The following SVOP variants were observed in gnomAD, a reference collection of about 807,000 sequenced individuals.
SVOP encodes the protein SV2 related protein, also known as synaptic vesicle 2-related protein.
In SVOP, 17 loss-of-function variants were observed where a neutral mutation model predicts 69.1. The observed-to-expected ratio is 0.25, with a 90% CI of 0.17 to 0.37. The LOEUF (loss-of-function observed/expected upper bound fraction) is 0.37. Ranked by LOEUF, SVOP falls within the 10% of genes least tolerant of loss-of-function variation. The pLI is 1.00. For missense variants in SVOP, 435 were observed against 597.5 expected, an observed-to-expected ratio of 0.73 and a Z score of 2.84; for synonymous variants, 238 against 238.6, an observed-to-expected ratio of 1.00 and a Z score of 0.02.
At chr12:108,940,948 T>C (rs999044829) in intron 7 of SVOP, 39 bp from the exon 8 acceptor site, 2 of 1,531,136 alleles carry the variant, frequency 1.3e-6, no homozygotes, top group Non-Finnish European at 8.8e-7. Context: ...GGGGGTAGCA[T>C]GGTCCATACA....
chr12:109,013,244 A>G (rs1435983852), intron 1 of SVOP, among the ~76,000 whole-genome samples: 1 of 152,230 alleles, frequency 6.6e-6, no homozygotes, highest in Non-Finnish European at 1.5e-5. Context: ...AACACAATAA[A>G]TAAGCAAATT....
intron 11 of SVOP, among the ~76,000 whole-genome samples, chr12:108,927,342 A>T (rs529489679): frequency 6.6e-6 from 1 of 152,306 alleles, no homozygotes; most frequent in South Asian, 2.1e-4. Context: ...TAACTGATTC[A>T]TTTATTAATT....
chr12:108,984,937 G>A (rs1323477589), intron 1 of SVOP, among the ~76,000 whole-genome samples: 11 of 152,194 alleles, frequency 7.2e-5, no homozygotes, highest in Admixed American at 5.9e-4. Flanking sequence ...TTTGAGGAAA[G>A]TTTGGGGTGC....
At chr12:108,957,430 C>T (rs1189610520) in intron 6 of SVOP, among the ~76,000 whole-genome samples, 1 of 152,182 alleles carries the variant, frequency 6.6e-6, no homozygotes, top group Admixed American at 6.5e-5. Context: ...TCCCAAAGTG[C>T]TGGGATTACA....
intron 3 of SVOP, among the ~76,000 whole-genome samples, chr12:108,978,077 G>A (rs867961745): frequency 7.2e-5 from 11 of 152,110 alleles, no homozygotes; most frequent in Non-Finnish European, 1.6e-4. Flanking sequence ...TTCCAATTAG[G>A]GGGGGAAATG....
chr12:109,009,003 C>G (rs2040325949), intron 1 of SVOP, among the ~76,000 whole-genome samples: 1 of 145,864 alleles, frequency 6.9e-6, no homozygotes, highest in Admixed American at 6.9e-5. Context: ...GCTCTGTCAC[C>G]CAGGCTGGAG....
At chr12:108,923,918 C>T (rs761970147) in intron 11 of SVOP, among the ~76,000 whole-genome samples, 3 of 152,104 alleles carry the variant, frequency 2.0e-5, no homozygotes, top group Non-Finnish European at 4.4e-5. Flanking sequence ...AACTATGGGA[C>T]TAATCTCCTA....
chr12:108,933,701 T>A (rs946662482), intron 11 of SVOP, among the ~76,000 whole-genome samples: 5 of 151,494 alleles, frequency 3.3e-5, no homozygotes, highest in African/African-American at 9.7e-5. Flanking sequence ...AAAAAAATAA[T>A]AATAATAAAT....
chr12:108,922,621 C>A, intron 12 of SVOP, 69 bp downstream of exon 12: 1 of 1,191,738 alleles, frequency 8.4e-7, no homozygotes. Context: ...GTAGACAGAG[C>A]CACCAGCTGA....
At chr12:108,939,289 C>T (rs914779724) in intron 8 of SVOP, among the ~76,000 whole-genome samples, 1 of 152,156 alleles carries the variant, frequency 6.6e-6, no homozygotes, top group African/African-American at 2.4e-5. Context: ...ATTATTGTCA[C>T]GGTTGCTATT....
At chr12:108,970,601 TA>T (rs36188289) in intron 5 of SVOP, among the ~76,000 whole-genome samples, 104,798 of 151,892 alleles carry the variant, frequency 0.69, 36,699 homozygotes, top group South Asian at 0.79. Context: ...AGGTTATTCT[TA>T]GTCTAAGCCA....
intron 2 of SVOP, among the ~76,000 whole-genome samples, chr12:108,979,380 C>A (rs968867401): frequency 6.6e-6 from 1 of 152,130 alleles, no homozygotes; most frequent in Non-Finnish European, 1.5e-5. Context: ...GCTGGGACTA[C>A]AGGCACATGT....
chr12:108,990,963 C>T (rs763961130), intron 1 of SVOP, among the ~76,000 whole-genome samples: 4 of 152,222 alleles, frequency 2.6e-5, no homozygotes, highest in Non-Finnish European at 4.4e-5. Flanking sequence ...CTGCTCTTCT[C>T]GTTCATCAGA....
chr12:108,983,485 C>T (rs1241197010), intron 2 of SVOP, 116 bp downstream of exon 2: 13 of 398,098 alleles, frequency 3.3e-5, no homozygotes, highest in Non-Finnish European at 5.7e-5. Flanking sequence ...AGCTCCACCC[C>T]TTGGCCCCCT....
At chr12:108,986,776 G>A (rs2040168065) in intron 1 of SVOP, among the ~76,000 whole-genome samples, 1 of 136,308 alleles carries the variant, frequency 7.3e-6, no homozygotes, top group African/African-American at 3.0e-5. Context: ...CTTTGATCGG[G>A]GAGGGGGGGG....
At chr12:108,977,679 A>T (rs563920422) in intron 3 of SVOP, among the ~76,000 whole-genome samples, 183 bp from the exon 4 acceptor site, 63 of 152,348 alleles carry the variant, frequency 4.1e-4, no homozygotes, top group Non-Finnish European at 5.6e-4. Flanking sequence ...TTACCATTGC[A>T]GGAATAGACA....
At chr12:109,001,350 G>A (rs2135621397) in intron 1 of SVOP, among the ~76,000 whole-genome samples, 1 of 150,248 alleles carries the variant, frequency 6.7e-6, no homozygotes, top group Middle Eastern at 3.5e-3. Context: ...TCATGGGTAG[G>A]AAGAATCAAT....
Position 108,934,649 on chromosome 12 carries a change from C to T in SVOP, c.972-378G>A, listed in dbSNP as rs138719384. On this transcript the variant is annotated intron_variant, in intron 10 of 15. Coordinates refer to ENST00000610966, the MANE Select transcript of SVOP (RefSeq NM_018711.5). ...CGGCCAAGATACAGATCATAAAGAC[C>T]TTGCTGATAAAGCAGGTTGCAGTAA... Among the ~76,000 whole-genome samples, 204 of 152,274 alleles carry T rather than the reference C, an allele frequency of 1.3e-3. 5 individuals carry two copies. The highest frequency in any genetic ancestry group is 4.7e-3 in the African/African-American group (195 of 41,572).
At chr12:109,013,173 C>G (rs555254711) in intron 1 of SVOP, among the ~76,000 whole-genome samples, 10 of 152,298 alleles carry the variant, frequency 6.6e-5, no homozygotes, top group Admixed American at 6.5e-4. Flanking sequence ...CAATATCCCA[C>G]ACACTTGGGA....
Sources: gnomAD v4.1 joint callset for allele counts (sites outside exome capture counted in the v4.1 genomes callset) on GRCh38, gnomAD v4.1.1 for gene constraint, MANE v1.5 for transcripts, NCBI Gene and HGNC (gene_info 2026-07-23, HGNC 2026-07-21) for gene names.